NEK11: variants seen among roughly 807,000 people sequenced by gnomAD.
NEK11 encodes the protein serine/threonine-protein kinase Nek11.
In NEK11, 72 loss-of-function variants were observed where a neutral mutation model predicts 80.7. That is an observed-to-expected ratio of 0.89 (90% CI 0.74 to 1.08). NEK11 has a LOEUF of 1.08. Among genes scored for constraint, NEK11 ranks in the 50% least tolerant of loss-of-function variants. The pLI, the probability that NEK11 is intolerant of heterozygous loss-of-function variation, is 0.00. For synonymous variants in NEK11, 251 were observed against 260.7 expected (o/e 0.96, Z 0.36); for missense variants, 764 against 763.6 (o/e 1.00, Z -0.01).
intron 17 of NEK11, among the ~76,000 whole-genome samples, chr3:131,309,609 A>ATTT (rs11381029): frequency 4.0e-5 from 6 of 149,188 alleles, no homozygotes; most frequent in Non-Finnish European, 7.4e-5. Flanking sequence ...AATGCTTTCT[A>ATTT]TTTTTTTTTT....
chr3:131,174,666 C>G (rs1463762921), intron 14 of NEK11: 2 of 1,209,462 alleles, frequency 1.7e-6, no homozygotes, highest in African/African-American at 1.5e-5. Flanking sequence ...GAAATTATCC[C>G]CATTTAACTT....
intron 3 of NEK11, among the ~76,000 whole-genome samples, chr3:131,034,551 C>T (rs1245116631): frequency 6.6e-6 from 1 of 152,178 alleles, no homozygotes; most frequent in Non-Finnish European, 1.5e-5. Context: ...AGGCGCCCGC[C>T]ACCACACCCG....
At chr3:131,182,919 G>C (rs1427675068) in intron 14 of NEK11, among the ~76,000 whole-genome samples, 1 of 152,128 alleles carries the variant, frequency 6.6e-6, no homozygotes, top group Non-Finnish European at 1.5e-5. Flanking sequence ...AAATTAACCT[G>C]CTTCTTTCCT....
chr3:131,069,018 GA>G (rs2072628467), intron 3 of NEK11, among the ~76,000 whole-genome samples: 1 of 151,870 alleles, frequency 6.6e-6, no homozygotes, highest in East Asian at 1.9e-4. Flanking sequence ...ATGAAATAGA[GA>G]TTGAAATTTA....
At chr3:131,298,797 T>C (rs2096629400) in intron 17 of NEK11, among the ~76,000 whole-genome samples, 1 of 152,098 alleles carries the variant, frequency 6.6e-6, no homozygotes, top group Non-Finnish European at 1.5e-5. Flanking sequence ...TCGTCTGACA[T>C]CAATTTGAGG....
intron 17 of NEK11, among the ~76,000 whole-genome samples, chr3:131,331,053 C>T (rs2097072009): frequency 6.6e-6 from 1 of 152,174 alleles, no homozygotes; most frequent in African/African-American, 2.4e-5. Context: ...TTACAGGTCC[C>T]ACCTCTTAAC....
chr3:131,210,951 T>C (rs1479845207), intron 14 of NEK11, among the ~76,000 whole-genome samples: 6 of 152,238 alleles, frequency 3.9e-5, no homozygotes, highest in Admixed American at 3.9e-4. Context: ...TGTCTTTTAA[T>C]TGGGGCATTT....
chr3:131,136,183 A>G (rs532649799), intron 7 of NEK11, among the ~76,000 whole-genome samples: 2 of 152,316 alleles, frequency 1.3e-5, no homozygotes, highest in South Asian at 4.1e-4. Flanking sequence ...CTTAGGATTC[A>G]TCATCATCCT....
intron 17 of NEK11, among the ~76,000 whole-genome samples, chr3:131,314,130 AGTGTGTGT>A (rs143988468): frequency 0.015 from 2,289 of 149,324 alleles, 56 homozygotes; most frequent in African/African-American, 0.054. Flanking sequence ...GGAGAAAAAG[AGTGTGTGT>A]GTGTGTGTGT....
intron 7 of NEK11, among the ~76,000 whole-genome samples, chr3:131,147,334 C>T (rs554697251): frequency 2.0e-5 from 3 of 152,032 alleles, no homozygotes; most frequent in South Asian, 4.1e-4. Context: ...ATATTTTCCT[C>T]TACCATGCAG....
At chr3:131,062,440 T>C (rs2071055664) in intron 3 of NEK11, among the ~76,000 whole-genome samples, 1 of 152,190 alleles carries the variant, frequency 6.6e-6, no homozygotes, top group Admixed American at 6.5e-5. Flanking sequence ...TGAAGAATAA[T>C]TTATAGACAA....
intron 5 of NEK11, among the ~76,000 whole-genome samples, chr3:131,131,915 G>T (rs1386904666): frequency 6.6e-6 from 1 of 151,730 alleles, no homozygotes; most frequent in Non-Finnish European, 1.5e-5. Flanking sequence ...TTTTCATTTA[G>T]TTCAAAATAT....
At position 131,050,024 on chromosome 3, in the gene NEK11, G is replaced by A. The variant is rs565088428; in HGVS notation, c.170+20146G>A. Reference sequence around the variant, plus strand: ...CCCTATTGAAAAGCCCACACTGAGAGGCACTAACTACCCATGCCTTTGCAG... The same window carrying A: ...CCCTATTGAAAAGCCCACACTGAGAAGCACTAACTACCCATGCCTTTGCAG... On this transcript the variant is annotated intron_variant, in intron 3 of 17. Coordinates refer to ENST00000383366, the MANE Select transcript of NEK11 (RefSeq NM_024800.5). Among the ~76,000 whole-genome samples the A allele has an allele frequency of 8.2e-4, 124 of 151,914 alleles. 1 individual carries two copies. The highest frequency in any genetic ancestry group is 1.4e-3 in the Non-Finnish European group (96 of 67,982).
chr3:131,174,871 A>G, intron 14 of NEK11: 2 of 1,541,282 alleles, frequency 1.3e-6, no homozygotes, highest in Non-Finnish European at 1.7e-6. Flanking sequence ...CCCACCATTC[A>G]GATGTGGAGA....
At chr3:131,215,285 AG>A (rs1217429914) in intron 14 of NEK11, among the ~76,000 whole-genome samples, 31 of 83,866 alleles carry the variant, frequency 3.7e-4, no homozygotes, top group East Asian at 2.0e-3. Context: ...GGGCGGGGGG[AG>A]GGGGAAGGGA....
chr3:131,200,633 A>C (rs956736561), intron 14 of NEK11, among the ~76,000 whole-genome samples: 1 of 152,230 alleles, frequency 6.6e-6, no homozygotes. Flanking sequence ...GGAAAGGACT[A>C]TCAGGCCTCT....
intron 3 of NEK11, among the ~76,000 whole-genome samples, chr3:131,050,573 A>T (rs972020518): frequency 7.2e-5 from 11 of 152,248 alleles, no homozygotes; most frequent in South Asian, 2.1e-4. Context: ...ATCTTCTGGA[A>T]TAAAATGCAG....
intron 16 of NEK11, among the ~76,000 whole-genome samples, chr3:131,250,346 G>A (rs2095677158): frequency 6.6e-6 from 1 of 151,928 alleles, no homozygotes; most frequent in Admixed American, 6.6e-5. Context: ...GAAAAGAGTG[G>A]TGTCTTATTT....
At chr3:131,049,263 G>A (rs1346844916) in intron 3 of NEK11, among the ~76,000 whole-genome samples, 2 of 152,170 alleles carry the variant, frequency 1.3e-5, no homozygotes, top group African/African-American at 4.8e-5. Context: ...GTTCTATGTA[G>A]AATCTAGAGA....
Sources: allele counts gnomAD v4.1 joint callset (sites outside exome capture counted in the v4.1 genomes callset), GRCh38; gene constraint gnomAD v4.1.1; transcripts MANE v1.5; gene names NCBI Gene and HGNC (gene_info 2026-07-23, HGNC 2026-07-21).